Variants in STK32C observed in about 807,000 individuals in gnomAD.
STK32C encodes serine/threonine kinase 32C, also known as serine/threonine-protein kinase 32C.
STK32C carries 31 observed loss-of-function variants against 56.5 expected under a neutral mutation model. The observed-to-expected ratio is 0.55, with a 90% CI of 0.41 to 0.74. The LOEUF (loss-of-function observed/expected upper bound fraction) is 0.74. Among genes scored for constraint, STK32C ranks in the 30% least tolerant of loss-of-function variants. The probability of loss-of-function intolerance (pLI) is 0.00; values close to 1 mark genes in which losing one functional copy is unlikely to be tolerated. For synonymous variants in STK32C, 309 were observed against 289.4 expected, an observed-to-expected ratio of 1.07 and a Z score of -0.69; for missense variants, 544 against 676.9, an observed-to-expected ratio of 0.80 and a Z score of 2.18.
intron 1 of STK32C, among the ~76,000 whole-genome samples, chr10:132,281,615 AAAATCTTCTATCAG>A (rs959021147): frequency 9.2e-5 from 14 of 152,370 alleles, no homozygotes; most frequent in African/African-American, 3.1e-4. Flanking sequence ...ACTGTCTTTG[AAAATCTTCTATCAG>A]AAATCTTCTA....
intron 1 of STK32C, among the ~76,000 whole-genome samples, chr10:132,249,708 G>T (rs552859652): frequency 6.6e-6 from 1 of 152,164 alleles, no homozygotes; most frequent in African/African-American, 2.4e-5. Context: ...TGTGCACAGC[G>T]GCCCTCATGC....
At chr10:132,285,006 C>T (rs1590393365) in intron 1 of STK32C, among the ~76,000 whole-genome samples, 1 of 131,540 alleles carries the variant, frequency 7.6e-6, no homozygotes, top group Non-Finnish European at 1.6e-5. Flanking sequence ...CAGGCATGAA[C>T]CCGGAACACA....
At chr10:132,210,481 C>G (rs1169408017) in intron 10 of STK32C, among the ~76,000 whole-genome samples, 1 of 152,252 alleles carries the variant, frequency 6.6e-6, no homozygotes, top group Non-Finnish European at 1.5e-5. Flanking sequence ...CTCCTGACCT[C>G]AGGTGCTCCG....
chr10:132,254,707 C>T (rs1414100306), intron 1 of STK32C, among the ~76,000 whole-genome samples: 2 of 94,356 alleles, frequency 2.1e-5, no homozygotes, highest in African/African-American at 4.9e-5. Context: ...GAAGGCTGCC[C>T]CCAGACCTGG....
intron 11 of STK32C, among the ~76,000 whole-genome samples, chr10:132,208,815 A>G (rs73401703): frequency 0.013 from 2,011 of 152,208 alleles, 54 homozygotes; most frequent in African/African-American, 0.045. Context: ...TCTCCCCAGA[A>G]GATTCCAGCC....
chr10:132,232,464 CCGAGAT>C (rs1203718399), intron 2 of STK32C, among the ~76,000 whole-genome samples: 1 of 152,054 alleles, frequency 6.6e-6, no homozygotes, highest in Non-Finnish European at 1.5e-5. Flanking sequence ...ACCTCAGCAC[CCGAGAT>C]CACGCAGAGC....
intron 1 of STK32C, among the ~76,000 whole-genome samples, chr10:132,316,523 G>A (rs1172972640): frequency 2.6e-5 from 4 of 152,160 alleles, no homozygotes; most frequent in Non-Finnish European, 5.9e-5. Flanking sequence ...GGAGGCTAAG[G>A]CGGGAGGATC....
At position 132,225,516 on chromosome 10, in the gene STK32C, C is replaced by A; in HGVS notation, c.772+11G>T. On this transcript the variant is annotated intron_variant, in intron 6 of 11. Transcript: ENST00000298630. ...AGCCAGCTCCCATCTGGAACCCCAGCTCGGGCTCACCCATGTACGGCTTGG... is the reference window on the plus strand; with the variant it reads ...AGCCAGCTCCCATCTGGAACCCCAGATCGGGCTCACCCATGTACGGCTTGG... The A allele has an allele frequency of 6.2e-7, 1 of 1,613,800 alleles. No homozygotes were observed. The highest frequency in any genetic ancestry group is 1.3e-5 in the African/African-American group (1 of 75,074).
chr10:132,243,237 GCTGGAATGCGATGTC>G (rs1195499119), intron 2 of STK32C, among the ~76,000 whole-genome samples: 1 of 152,246 alleles, frequency 6.6e-6, no homozygotes, highest in East Asian at 1.9e-4. Context: ...ACAGCCCAAG[GCTGGAATGCGATGTC>G]CTGGATTCTG....
intron 1 of STK32C, among the ~76,000 whole-genome samples, chr10:132,267,814 C>T (rs1194169183): frequency 7.7e-5 from 6 of 78,022 alleles, no homozygotes; most frequent in South Asian, 4.5e-4. Flanking sequence ...TGTCCCACAT[C>T]GTGTGTGTGT....
intron 1 of STK32C, among the ~76,000 whole-genome samples, chr10:132,327,301 T>C (rs1011920085): frequency 1.3e-5 from 2 of 152,144 alleles, no homozygotes; most frequent in African/African-American, 4.8e-5. Flanking sequence ...TGCTCCTCCT[T>C]ACCTTCCACC....
intron 1 of STK32C, among the ~76,000 whole-genome samples, chr10:132,329,914 T>A (rs769514934): frequency 1.3e-5 from 2 of 152,210 alleles, no homozygotes; most frequent in Non-Finnish European, 2.9e-5. Context: ...AAAGAGAAGA[T>A]AGATTTCCTT....
chr10:132,282,265 C>T (rs1398879154), intron 1 of STK32C, among the ~76,000 whole-genome samples: 1 of 152,378 alleles, frequency 6.6e-6, no homozygotes, highest in South Asian at 2.1e-4. Flanking sequence ...AGCGCCCATC[C>T]CTGCCACACG....
chr10:132,237,918 T>C (rs1251183118), intron 2 of STK32C, among the ~76,000 whole-genome samples: 2 of 152,192 alleles, frequency 1.3e-5, no homozygotes, highest in Non-Finnish European at 2.9e-5. Flanking sequence ...CTCCCAACGC[T>C]GGCCTGGTGG....
At chr10:132,301,718 G>A (rs576751030) in intron 1 of STK32C, among the ~76,000 whole-genome samples, 1 of 152,232 alleles carries the variant, frequency 6.6e-6, no homozygotes, top group Non-Finnish European at 1.5e-5. Context: ...GCTGCACGTC[G>A]GCCACGTGTG....
At chr10:132,223,616 G>A (rs74963487) in intron 8 of STK32C, among the ~76,000 whole-genome samples, 16,452 of 152,270 alleles carry the variant, frequency 0.11, 1,227 homozygotes, top group Non-Finnish European at 0.15. Flanking sequence ...GGCTACAGCA[G>A]AGTTAAGAGA....
At chr10:132,218,906 C>T (rs751472507) in intron 10 of STK32C, among the ~76,000 whole-genome samples, 5 of 152,156 alleles carry the variant, frequency 3.3e-5, no homozygotes, top group Non-Finnish European at 2.9e-5. Flanking sequence ...ACAACGTGGA[C>T]GGGCCTCAAA....
intron 7 of STK32C, among the ~76,000 whole-genome samples, chr10:132,225,004 C>T (rs992179230): frequency 6.6e-6 from 1 of 152,234 alleles, no homozygotes; most frequent in Non-Finnish European, 1.5e-5. Context: ...AGAGGCTGGC[C>T]TGCAGGCACC....
At chr10:132,264,579 C>A (rs776372267) in intron 1 of STK32C, among the ~76,000 whole-genome samples, 2 of 152,190 alleles carry the variant, frequency 1.3e-5, no homozygotes, top group Non-Finnish European at 2.9e-5. Context: ...AGGACCCCTC[C>A]AGGACCCTCT....
Sources: allele counts gnomAD v4.1 joint callset (sites outside exome capture counted in the v4.1 genomes callset), GRCh38; gene constraint gnomAD v4.1.1; transcripts MANE v1.5; gene names NCBI Gene and HGNC (gene_info 2026-07-23, HGNC 2026-07-21).